HECTD2: variants seen among roughly 807,000 people sequenced by gnomAD.
HECTD2 encodes probable E3 ubiquitin-protein ligase HECTD2.
HECTD2 carries 35 observed loss-of-function variants against 103.2 expected under a neutral mutation model. The observed-to-expected ratio is 0.34, with a 90% confidence interval of 0.26 to 0.45. The LOEUF (loss-of-function observed/expected upper bound fraction) is 0.45. Ranked by LOEUF, HECTD2 falls within the 20% of genes least tolerant of loss-of-function variation. The pLI, the probability that HECTD2 is intolerant of heterozygous loss-of-function variation, is 1.00. For synonymous variants in HECTD2, 281 were observed against 329.9 expected (o/e 0.85, Z 1.61); for missense variants, 596 against 937.4 (o/e 0.64, Z 4.76).
At chr10:91,476,089 A>G (rs1845890791) in intron 5 of HECTD2, among the ~76,000 whole-genome samples, 1 of 152,238 alleles carries the variant, frequency 6.6e-6, no homozygotes, top group African/African-American at 2.4e-5. Flanking sequence ...AATCAGTGCC[A>G]GTGATGTTAG....
chr10:91,456,138 G>C (rs1261891986), intron 2 of HECTD2, among the ~76,000 whole-genome samples: 3 of 152,098 alleles, frequency 2.0e-5, no homozygotes, highest in Admixed American at 1.3e-4. Flanking sequence ...ATGGGGGGGT[G>C]GCATTGAATC....
At chr10:91,431,396 C>G (rs886259723) in intron 2 of HECTD2, among the ~76,000 whole-genome samples, 1 of 151,962 alleles carries the variant, frequency 6.6e-6, no homozygotes, top group Non-Finnish European at 1.5e-5. Context: ...TTGTGGAGTT[C>G]TCTGTATTTC....
intron 14 of HECTD2, 26 bp downstream of exon 14, chr10:91,493,534 G>A (rs1846553208): frequency 9.5e-6 from 11 of 1,158,660 alleles, no homozygotes; most frequent in Non-Finnish European, 1.4e-5. Context: ...TCCACTAGGA[G>A]GTGCTAATAG....
intron 20 of HECTD2, among the ~76,000 whole-genome samples, chr10:91,506,396 AAG>A (rs1327250331): frequency 6.6e-6 from 1 of 151,916 alleles, no homozygotes; most frequent in Non-Finnish European, 1.5e-5. Context: ...TAAAGAAAAA[AAG>A]AGAGAAGAAT....
chr10:91,510,977 T>C (rs1438809707), intron 20 of HECTD2, among the ~76,000 whole-genome samples: 1 of 152,188 alleles, frequency 6.6e-6, no homozygotes, highest in Non-Finnish European at 1.5e-5. Context: ...CACTTTTAAG[T>C]TGCTTTGAGG....
chr10:91,478,074 A>G lies in HECTD2; in HGVS notation c.601-127A>G, dbSNP rs561528869. On this transcript the variant is annotated intron_variant, in intron 5 of 20. Transcript: ENST00000298068. ...TCTTAAATGTAAAATCAGTACTACTATAAGTGTCAGTCCTGAGTCATCAAG... is the reference window on the plus strand; with the variant it reads ...TCTTAAATGTAAAATCAGTACTACTGTAAGTGTCAGTCCTGAGTCATCAAG... 1.3e-4 allele frequency: 84 copies of G among 639,694 alleles called. 1 individual carries two copies. The South Asian group carries it at 1.4e-3, about 10-fold the overall frequency. 39.6% of individuals were successfully genotyped at this position (639,694 alleles called of 1,614,324 possible).
chr10:91,497,593 G>A (rs1006899843), intron 15 of HECTD2, among the ~76,000 whole-genome samples: 2 of 151,422 alleles, frequency 1.3e-5, no homozygotes, highest in Non-Finnish European at 2.9e-5. Context: ...ACAGGCATGA[G>A]CCACCGTGCC....
intron 18 of HECTD2, among the ~76,000 whole-genome samples, 160 bp from the exon 19 acceptor site, chr10:91,500,342 G>T (rs935864779): frequency 3.3e-5 from 5 of 152,218 alleles, no homozygotes; most frequent in Non-Finnish European, 7.4e-5. Context: ...TCTTGCCTTG[G>T]CAGGAAAAAT....
At chr10:91,484,759 C>T (rs1294968210) in intron 9 of HECTD2, 104 bp downstream of exon 9, 2 of 819,520 alleles carry the variant, frequency 2.4e-6, no homozygotes, top group African/African-American at 1.7e-5. Context: ...AAATTTTAAA[C>T]CATTTCTGTG....
chr10:91,477,083 A>G (rs1422519884), intron 5 of HECTD2, among the ~76,000 whole-genome samples: 1 of 151,914 alleles, frequency 6.6e-6, no homozygotes, highest in East Asian at 1.9e-4. Flanking sequence ...CGGGAGGCTG[A>G]GGCAGGAGAA....
chr10:91,424,701 T>C (rs1265399093), intron 1 of HECTD2, among the ~76,000 whole-genome samples: 1 of 152,094 alleles, frequency 6.6e-6, no homozygotes, highest in Non-Finnish European at 1.5e-5. Flanking sequence ...AAGATTGCTA[T>C]TACCTGTGCC....
intron 5 of HECTD2, among the ~76,000 whole-genome samples, chr10:91,466,005 T>A (rs2059291848): frequency 6.6e-6 from 1 of 152,200 alleles, no homozygotes; most frequent in Admixed American, 6.5e-5. Context: ...TTTACAGAAT[T>A]GGTATCATTT....
intron 11 of HECTD2, chr10:91,489,859 A>G (rs1846401459): frequency 6.6e-6 from 1 of 152,208 alleles, no homozygotes; most frequent in African/African-American, 2.4e-5. Context: ...AATTTTATCT[A>G]TTAAAGCAAA....
intron 1 of HECTD2, among the ~76,000 whole-genome samples, chr10:91,422,955 T>C (rs1843416179): frequency 6.6e-6 from 1 of 152,204 alleles, no homozygotes; most frequent in African/African-American, 2.4e-5. Flanking sequence ...TGTTAGTCTT[T>C]CCTAGATGGT....
At chr10:91,445,656 G>A (rs1272673907) in intron 2 of HECTD2, among the ~76,000 whole-genome samples, 1 of 152,118 alleles carries the variant, frequency 6.6e-6, no homozygotes, top group Non-Finnish European at 1.5e-5. Context: ...CAGAAGGCAG[G>A]TGATTTCTGC....
chr10:91,498,738 G>T, intron 16 of HECTD2, 134 bp from the exon 17 acceptor site: 2 of 596,358 alleles, frequency 3.4e-6, no homozygotes, highest in South Asian at 2.4e-5. Flanking sequence ...AATATTGCAA[G>T]AGCTTAGCCT....
At chr10:91,510,785 T>A (rs1847391445) in intron 20 of HECTD2, among the ~76,000 whole-genome samples, 1 of 152,228 alleles carries the variant, frequency 6.6e-6, no homozygotes, top group Non-Finnish European at 1.5e-5. Flanking sequence ...TTCATACAAA[T>A]GTATGTCTGG....
At chr10:91,461,971 A>G in intron 4 of HECTD2, 124 bp from the exon 5 acceptor site, 1 of 704,126 alleles carries the variant, frequency 1.4e-6, no homozygotes, top group Non-Finnish European at 2.3e-6. Flanking sequence ...TTTTGCCCTA[A>G]CAGTTCTTTT....
intron 1 of HECTD2, among the ~76,000 whole-genome samples, chr10:91,411,338 T>G (rs535095126): frequency 6.6e-6 from 1 of 152,284 alleles, no homozygotes; most frequent in Admixed American, 6.5e-5. Flanking sequence ...TGTGACTGGT[T>G]AATTTGAAGC....
Sources: gnomAD v4.1 joint callset for allele counts (sites outside exome capture counted in the v4.1 genomes callset) on GRCh38, gnomAD v4.1.1 for gene constraint, MANE v1.5 for transcripts, NCBI Gene and HGNC (gene_info 2026-07-23, HGNC 2026-07-21) for gene names.